The following ADD3 variants were observed in gnomAD, a reference collection of about 807,000 sequenced individuals.
The protein encoded by ADD3 is adducin 3, also known as gamma-adducin.
In ADD3, 25 loss-of-function variants were observed where a neutral mutation model predicts 80.2. The observed-to-expected ratio is 0.31, with a 90% CI of 0.23 to 0.44. ADD3 has a LOEUF of 0.44. Ranked by LOEUF, ADD3 falls within the 20% of genes least tolerant of loss-of-function variation. The pLI is 1.00. For missense variants in ADD3, 829 were observed against 847.5 expected (o/e 0.98, Z 0.27); for synonymous variants, 284 against 289.6 (o/e 0.98, Z 0.20).
chr10:110,116,137 A>G, intron 3 of ADD3, 122 bp from the exon 4 acceptor site: 1 of 871,480 alleles, frequency 1.1e-6, no homozygotes. Context: ...ATGGGCTGAT[A>G]AATTTCAGAT....
In ADD3 at chr10:110,018,526, CAAAAAAAAAAA is replaced by C. The variant is rs59949041; in HGVS notation, c.-30+10242_-30+10252del. On this transcript the variant is annotated intron_variant, in intron 1 of 14. Coordinates refer to ENST00000356080, the MANE Select transcript of ADD3 (RefSeq NM_016824.5). ...CTGGGTGACAAGTGAGACTTTGTCT[CAAAAAAAAAAA>C]AAAAAAAAAAAAAAGAGTTGGAGTG... Among the ~76,000 whole-genome samples the C allele has an allele frequency of 1.8e-4, 9 of 49,544 alleles. No individual in the cohort carries two copies. In the East Asian group the frequency reaches 2.6e-3, roughly 14 times the overall value. 32.5% of individuals were successfully genotyped at this position (49,544 alleles called of 152,430 possible).
chr10:110,011,074 ATAC>A (rs749628653), intron 1 of ADD3, among the ~76,000 whole-genome samples: 7 of 148,812 alleles, frequency 4.7e-5, no homozygotes, highest in Non-Finnish European at 8.8e-5. Flanking sequence ...ATTACTAAAG[ATAC>A]TAAAGTCTTT....
At chr10:110,126,174 CCTG>C (rs1462076943) in intron 11 of ADD3, among the ~76,000 whole-genome samples, 25 of 152,080 alleles carry the variant, frequency 1.6e-4, no homozygotes, top group South Asian at 8.3e-4. Flanking sequence ...GTTAGAGAAC[CCTG>C]CTATTAGGGG....
In ADD3 at chr10:110,068,606, T is replaced by C. The variant is rs185614301; in HGVS notation, c.-29-32019T>C. ...GGATACCTAGGGACAGCTGTACATA[T>C]ACACTGTCCAAAGAATTCATTGAGG... On this transcript the variant is annotated intron_variant, in intron 1 of 14. Coordinates refer to ENST00000356080, the MANE Select transcript of ADD3 (RefSeq NM_016824.5). Among the ~76,000 whole-genome samples, 5 of 152,298 alleles carry C rather than the reference T, an allele frequency of 3.3e-5. No homozygotes were observed. The East Asian group carries it at 9.6e-4, about 29-fold the overall frequency.
intron 1 of ADD3, among the ~76,000 whole-genome samples, chr10:110,091,086 A>C (rs1847447087): frequency 6.6e-6 from 1 of 152,216 alleles, no homozygotes; most frequent in Admixed American, 6.5e-5. Context: ...CCACATGTGT[A>C]GGTTTGATAG....
intron 2 of ADD3, among the ~76,000 whole-genome samples, chr10:110,101,842 CT>C (rs141641727): frequency 0.066 from 9,974 of 152,136 alleles, 556 homozygotes; most frequent in African/African-American, 0.15. Flanking sequence ...TCATGCACCC[CT>C]AAGACAGAGT....
upstream of ADD3, among the ~76,000 whole-genome samples, chr10:110,004,094 A>C (rs1851543471): frequency 6.6e-6 from 1 of 152,138 alleles, no homozygotes; most frequent in Non-Finnish European, 1.5e-5. Flanking sequence ...TGAATTATAC[A>C]AATAATCACC....
At chr10:110,055,979 T>C (rs902650497) in intron 1 of ADD3, among the ~76,000 whole-genome samples, 1 of 152,234 alleles carries the variant, frequency 6.6e-6, no homozygotes, top group Non-Finnish European at 1.5e-5. Context: ...GACTATGAAA[T>C]CTTTTGGCCT....
chr10:110,067,347 T>A (rs1244290477), intron 1 of ADD3, among the ~76,000 whole-genome samples: 1 of 152,234 alleles, frequency 6.6e-6, no homozygotes, highest in Non-Finnish European at 1.5e-5. Flanking sequence ...TATATTATGT[T>A]ATTACTTCTC....
intron 1 of ADD3, among the ~76,000 whole-genome samples, chr10:110,040,915 G>GCT (rs150050866): frequency 1.0e-4 from 15 of 149,262 alleles, no homozygotes; most frequent in East Asian, 5.9e-4. Context: ...GCACGCACGC[G>GCT]CTCTCTCTCT....
intron 1 of ADD3, among the ~76,000 whole-genome samples, chr10:110,008,786 T>A (rs1482959915): frequency 6.6e-6 from 1 of 152,012 alleles, no homozygotes; most frequent in African/African-American, 2.4e-5. Context: ...AAAAAAAATT[T>A]TTTTTGTTAC....
chr10:110,014,947 C>T (rs998664276), intron 1 of ADD3, among the ~76,000 whole-genome samples: 1 of 151,816 alleles, frequency 6.6e-6, no homozygotes. Flanking sequence ...GATCTCGGCT[C>T]AATGCAACCT....
rs11194987 is a variant in ADD3 at position 110,114,198 on chromosome 10, C to T, written c.334+1283C>T. ...AGCAACCAGTTGCCTGAAATACTTA[C>T]GCAGTGAAGTGAAAAGCGGAAGTTA... is the stretch of plus-strand genomic sequence containing the variant. On this transcript the variant is annotated intron_variant, in intron 3 of 14. Coordinates refer to ENST00000356080, the MANE Select transcript of ADD3 (RefSeq NM_016824.5). 2.3e-3 allele frequency among the ~76,000 whole-genome samples: 357 copies of T among 152,182 alleles called. 1 individual carries two copies. Among genetic ancestry groups the T allele is most frequent in the Non-Finnish European group, 3.1e-3 (208 of 68,008 alleles).
At chr10:110,045,724 C>G (rs1856838786) in intron 1 of ADD3, among the ~76,000 whole-genome samples, 2 of 152,282 alleles carry the variant, frequency 1.3e-5, no homozygotes, top group South Asian at 4.1e-4. Context: ...TTTATCAAAA[C>G]TTACACACAC....
At chr10:110,037,381 G>A (rs763996672) in intron 1 of ADD3, among the ~76,000 whole-genome samples, 34 of 152,118 alleles carry the variant, frequency 2.2e-4, no homozygotes, top group Non-Finnish European at 4.4e-4. Flanking sequence ...GAGGCAGGCG[G>A]ATCACTTGAG....
At chr10:109,999,924 T>G (rs1851453078) in intron 1 of ADD3, among the ~76,000 whole-genome samples, 1 of 150,766 alleles carries the variant, frequency 6.6e-6, no homozygotes, top group Non-Finnish European at 1.5e-5. Flanking sequence ...AGGTTGTTTT[T>G]TTTTTTTTTT....
chr10:110,034,432 T>C (rs886572996), intron 1 of ADD3, among the ~76,000 whole-genome samples: 7 of 151,606 alleles, frequency 4.6e-5, no homozygotes, highest in Non-Finnish European at 7.4e-5. Context: ...GCAAGTATTT[T>C]ATAATTTAAA....
intron 1 of ADD3, among the ~76,000 whole-genome samples, chr10:110,029,367 T>C (rs1299801181): frequency 2.0e-5 from 3 of 152,272 alleles, no homozygotes; most frequent in African/African-American, 7.2e-5. Flanking sequence ...ACTATACTTC[T>C]TGTTATAATG....
chr10:110,057,972 G>T (rs1858411083), intron 1 of ADD3, among the ~76,000 whole-genome samples: 1 of 152,154 alleles, frequency 6.6e-6, no homozygotes, highest in South Asian at 2.1e-4. Context: ...ATATCAAGTG[G>T]AAATATGCTA....
Sources: gnomAD v4.1 joint callset for allele counts (sites outside exome capture counted in the v4.1 genomes callset) on GRCh38, gnomAD v4.1.1 for gene constraint, MANE v1.5 for transcripts, NCBI Gene and HGNC (gene_info 2026-07-23, HGNC 2026-07-21) for gene names.